Variants in MAP7 observed in about 807,000 individuals in gnomAD.
MAP7 encodes the protein microtubule associated protein 7.
A neutral mutation model predicts 94.8 loss-of-function variants in MAP7; 52 were observed. That is an observed-to-expected ratio of 0.55 (90% CI 0.44 to 0.69). MAP7 has a LOEUF of 0.69. MAP7 is among the 30% of genes least tolerant of loss of function. MAP7 has a pLI of 0.00. For synonymous variants in MAP7, 350 were observed against 357.0 expected (o/e 0.98, Z 0.22); for missense variants, 940 against 964.6 (o/e 0.97, Z 0.34).
At chr6:136,525,980 T>G in intron 1 of MAP7, 2 of 1,150,896 alleles carry the variant, frequency 1.7e-6, no homozygotes, top group East Asian at 4.4e-5. Context: ...TGCTACTTGT[T>G]TTTTTTTTTT....
chr6:136,382,009 A>C (rs2128635439), intron 6 of MAP7, among the ~76,000 whole-genome samples: 1 of 152,160 alleles, frequency 6.6e-6, no homozygotes, highest in South Asian at 2.1e-4. Context: ...TGTGGCGGTC[A>C]CACGGGTGAG....
In MAP7 at chr6:136,411,644, G is replaced by A. The variant is rs761752926; in HGVS notation, c.220C>T (p.Arg74Cys). The A allele has an allele frequency of 7.0e-6, 11 of 1,562,800 alleles. No individual in the cohort carries two copies. In the South Asian group the frequency reaches 8.2e-5, roughly 12 times the overall value. The change falls in exon 3 of 18, where the codon CGT becomes TGT. Residue 74 changes from arginine (R) to cysteine (C), a missense_variant. Transcript: ENST00000354570. ...DDRQRLARER[R>C]EEREKQLAAR... ...CCTAGCTGTTTCTCCCGTTCCTCAC[G>A]TCGCTCCCGGGCCAGCCGCTGCCGG...
intron 1 of MAP7, among the ~76,000 whole-genome samples, chr6:136,523,471 T>A (rs1297330064): frequency 6.6e-6 from 1 of 152,262 alleles, no homozygotes; most frequent in African/African-American, 2.4e-5. Flanking sequence ...ACAGTGCATA[T>A]ACAGAACATT....
chr6:136,520,298 A>C (rs193005510), intron 1 of MAP7, among the ~76,000 whole-genome samples: 1 of 152,262 alleles, frequency 6.6e-6, no homozygotes, highest in East Asian at 1.9e-4. Context: ...GCAGTTTCAT[A>C]GAGAGCAATA....
At position 136,411,506 on chromosome 6, in the gene MAP7, A is replaced by G. The variant is rs919082613; in HGVS notation, c.244+114T>C. 7 of 817,330 alleles carry G rather than the reference A, an allele frequency of 8.6e-6. No homozygotes were observed. In the African/African-American group the frequency reaches 1.2e-4, roughly 14 times the overall value. The allele number at this position is 817,330 out of a possible 1,614,324, so 50.6% of individuals were successfully genotyped here. On this transcript the variant is annotated intron_variant, in intron 3 of 17. Coordinates refer to ENST00000354570, the MANE Select transcript of MAP7 (RefSeq NM_003980.6). ...CCCTATGTTTATATTTTATCATCAC[A>G]TACTAAATTCTGCCTCATAGTCCAT...
intron 1 of MAP7, among the ~76,000 whole-genome samples, chr6:136,535,599 T>G (rs1828813006): frequency 6.6e-6 from 1 of 152,158 alleles, no homozygotes; most frequent in Non-Finnish European, 1.5e-5. Context: ...TTTCCTTCAG[T>G]GAAAGCCACA....
At chr6:136,386,238 T>C (rs575035873) in intron 5 of MAP7, among the ~76,000 whole-genome samples, 69 of 152,356 alleles carry the variant, frequency 4.5e-4, no homozygotes, top group African/African-American at 1.6e-3. Flanking sequence ...TCAAAATGAA[T>C]AAGACCTGGT....
rs546342102 is a variant in MAP7 at position 136,355,628 on chromosome 6, T to C, written c.2015+1064A>G. ...TGTAGTGTCTGTGTGTCTGTACTTA[T>C]CCTGGCCAAAAGCCGAGAAACAATT... On this transcript the variant is annotated intron_variant, in intron 16 of 17. Transcript: ENST00000354570. 4.7e-4 allele frequency among the ~76,000 whole-genome samples: 71 copies of C among 152,334 alleles called. No homozygotes were observed. The South Asian group carries it at 0.014, about 30-fold the overall frequency.
intron 1 of MAP7, among the ~76,000 whole-genome samples, chr6:136,508,453 A>G (rs1583098882): frequency 6.6e-6 from 1 of 152,222 alleles, no homozygotes; most frequent in East Asian, 1.9e-4. Context: ...GCATCAGGAT[A>G]AAGAAATTAA....
chr6:136,507,851 A>G (rs1822045711), intron 1 of MAP7, among the ~76,000 whole-genome samples: 1 of 152,214 alleles, frequency 6.6e-6, no homozygotes, highest in African/African-American at 2.4e-5. Context: ...GGAGGCAAAA[A>G]TGGGCTCTGG....
Position 136,426,691 on chromosome 6 carries a change from A to T in MAP7, c.68-4892T>A, listed in dbSNP as rs79760517. On this transcript the variant is annotated intron_variant, in intron 1 of 17. Coordinates refer to ENST00000354570, the MANE Select transcript of MAP7 (RefSeq NM_003980.6). ...ACCAAGGCAAAGAGGCAGGAGAGAC[A>T]ATCAGGACTGTCTGGTCAGAACAGC... Among the ~76,000 whole-genome samples the T allele has an allele frequency of 8.0e-4, 122 of 152,332 alleles. 1 individual carries two copies. The highest frequency in any genetic ancestry group is 2.7e-3 in the African/African-American group (112 of 41,570).
chr6:136,388,405 T>A lies in MAP7; in HGVS notation c.514A>T (p.Ile172Phe), dbSNP rs776038762. Residue 172 changes from isoleucine (I) to phenylalanine (F), a missense_variant, in exon 5 of 18, where the codon ATC becomes TTC. Ile to Phe is a conservative substitution (Grantham distance 21, BLOSUM62 0). Coordinates refer to ENST00000354570, the MANE Select transcript of MAP7 (RefSeq NM_003980.6). ...WGGSLHGSPS[I>F]HSADPDRRSV... ...GGTCACTGTTTACCTGCACTGTGGA[T>A]GCTAGGGCTCCCATGGAGAGAGCCT... is the stretch of plus-strand genomic sequence containing the variant. The A allele has an allele frequency of 6.2e-7, 1 of 1,613,856 alleles. No homozygotes were observed. Among genetic ancestry groups the A allele is most frequent in the East Asian group, 2.2e-5 (1 of 44,888 alleles).
At chr6:136,358,598 CTTTACA>C (rs1021913027) in intron 15 of MAP7, among the ~76,000 whole-genome samples, 3 of 152,170 alleles carry the variant, frequency 2.0e-5, no homozygotes, top group African/African-American at 7.2e-5. Context: ...ACCAATAATA[CTTTACA>C]TTTGAAAACC....
chr6:136,499,693 T>C (rs1225442788), intron 1 of MAP7, among the ~76,000 whole-genome samples: 2 of 152,114 alleles, frequency 1.3e-5, no homozygotes, highest in Non-Finnish European at 2.9e-5. Flanking sequence ...TACAAACCTT[T>C]TACAGTTTTA....
intron 14 of MAP7, 31 bp downstream of exon 14, chr6:136,359,950 A>C: frequency 2.5e-6 from 4 of 1,611,158 alleles, no homozygotes; most frequent in Non-Finnish European, 3.4e-6. Context: ...AAAAGCATAC[A>C]AAAGTAGTTA....
In MAP7 at chr6:136,359,778, C is replaced by T. The variant is rs1201960527; in HGVS notation, c.1912+42G>A. On this transcript the variant is annotated intron_variant, in intron 15 of 17. Coordinates refer to ENST00000354570, the MANE Select transcript of MAP7 (RefSeq NM_003980.6). ...TTCACCCCTGGAGAGTCAATTTAAA[C>T]ATTTTATATATAAATTGGTTTGAGT... 5 of 1,563,982 alleles carry T rather than the reference C, an allele frequency of 3.2e-6. No homozygotes were observed. In the South Asian group the frequency reaches 3.5e-5, roughly 11 times the overall value.
At chr6:136,449,439 G>T (rs9494518) in intron 1 of MAP7, among the ~76,000 whole-genome samples, 1 of 152,256 alleles carries the variant, frequency 6.6e-6, no homozygotes, top group Admixed American at 6.5e-5. Flanking sequence ...ACTCCGTGCT[G>T]CCATATGGTT....
At chr6:136,428,523 G>GAATAAATAAATAAATAAATAAATA (rs373164215) in intron 1 of MAP7, among the ~76,000 whole-genome samples, 58 of 151,610 alleles carry the variant, frequency 3.8e-4, no homozygotes, top group African/African-American at 1.4e-3. Flanking sequence ...CTGTCTCAAA[G>GAATAAATAAATAAATAAATAAATA]AATAAATAAA....
At chr6:136,364,353 G>T in intron 10 of MAP7, 1 of 424,356 alleles carries the variant, frequency 2.4e-6, no homozygotes, top group Non-Finnish European at 4.6e-6. Context: ...ACCAGCAGAA[G>T]GTCCTGCCCC....
Sources: gnomAD v4.1 joint callset for allele counts (sites outside exome capture counted in the v4.1 genomes callset) on GRCh38, gnomAD v4.1.1 for gene constraint, MANE v1.5 for transcripts, NCBI Gene and HGNC (gene_info 2026-07-23, HGNC 2026-07-21) for gene names.